The following EYS variants were observed in gnomAD, a reference collection of about 807,000 sequenced individuals.
EYS encodes EGF-like photoreceptor maintenance factor, also known as protein eyes shut homolog.
In EYS, 250 loss-of-function variants were observed where a neutral mutation model predicts 282.1. The observed-to-expected ratio is 0.89, with a 90% CI of 0.80 to 0.98. The LOEUF (loss-of-function observed/expected upper bound fraction) is 0.98, where lower values mean the gene tolerates loss of function less well. Ranked by LOEUF, EYS falls within the 50% of genes least tolerant of loss-of-function variation. The pLI is 0.00. For missense variants in EYS, 4,016 were observed against 3,709.0 expected (o/e 1.08, Z -2.15); for synonymous variants, 1,355 against 1,282.9 (o/e 1.06, Z -1.20).
At position 64,590,391 on chromosome 6, in the gene EYS, A is replaced by C. The variant is rs749350374; in HGVS notation, c.5476T>G (p.Ser1826Ala). Residue 1826 changes from serine (S) to alanine (A), a missense_variant, in exon 26 of 43, where the codon TCT (serine) becomes GCT (alanine). By Grantham distance (99) the Ser-to-Ala change is moderately conservative (BLOSUM62 1). Transcript: ENST00000503581. ...DWPYFTDYMT[S>A]LKKEVKTSSE... ...GAAGTCTTGACCTCTTTTTTAAGAGAGGTCATATAATCTGTAAAATATGGC... is the reference window on the plus strand; with the variant it reads ...GAAGTCTTGACCTCTTTTTTAAGAGCGGTCATATAATCTGTAAAATATGGC... The C allele has an allele frequency of 1.3e-6, 2 of 1,551,186 alleles. No individual in the cohort carries two copies. Among genetic ancestry groups the C allele is most frequent in the Non-Finnish European group, 1.7e-6 (2 of 1,146,758 alleles).
chr6:65,139,087 C>T lies in EYS; in HGVS notation c.2024-81360G>A, dbSNP rs574839885. Among the ~76,000 whole-genome samples the T allele has an allele frequency of 7.2e-5, 11 of 152,070 alleles. No homozygotes were observed. In the East Asian group the frequency reaches 2.1e-3, roughly 30 times the overall value. The stretch of plus-strand genomic sequence containing the variant: ...ACCCAGAAATCCCATCACTGATATA[C>T]CCAAATGAAATATAAATTATTTTAC... On this transcript the variant is annotated intron_variant, in intron 12 of 42. Transcript: ENST00000503581.
At chr6:65,437,669 G>T (rs917633163) in intron 5 of EYS, among the ~76,000 whole-genome samples, 9 of 151,942 alleles carry the variant, frequency 5.9e-5, no homozygotes, top group Admixed American at 3.9e-4. Flanking sequence ...AAGAAACTTG[G>T]CATCCAAAAC....
chr6:65,510,651 G>A (rs190227720), intron 2 of EYS, among the ~76,000 whole-genome samples: 1 of 151,936 alleles, frequency 6.6e-6, no homozygotes, highest in African/African-American at 2.4e-5. Flanking sequence ...CAAATCCTTT[G>A]ATTATGACCT....
At chr6:64,091,416 C>T (rs919376816) in intron 31 of EYS, among the ~76,000 whole-genome samples, 1 of 152,174 alleles carries the variant, frequency 6.6e-6, no homozygotes, top group Non-Finnish European at 1.5e-5. Flanking sequence ...CAGCAAGGGT[C>T]TGGGCTGCTG....
At chr6:63,961,528 C>G (rs888796931) in intron 35 of EYS, among the ~76,000 whole-genome samples, 4 of 152,118 alleles carry the variant, frequency 2.6e-5, no homozygotes, top group African/African-American at 9.7e-5. Flanking sequence ...TTGGCTGACT[C>G]TCTTTTCAGA....
At chr6:65,330,753 C>G (rs1307405476) in intron 11 of EYS, 1 of 960,296 alleles carries the variant, frequency 1.0e-6, no homozygotes, top group Non-Finnish European at 1.2e-6. Context: ...TTCTCCATCC[C>G]GAAATCACAA....
In EYS at chr6:64,884,232, TG is replaced by T. The variant is rs900904762; in HGVS notation, c.2992+2464del. Among the ~76,000 whole-genome samples the T allele has an allele frequency of 4.7e-4, 71 of 151,682 alleles. 1 individual carries two copies. The highest frequency in any genetic ancestry group is 1.6e-3 in the African/African-American group (68 of 41,500). On this transcript the variant is annotated intron_variant, in intron 19 of 42. Transcript: ENST00000503581. ...GCTAAATTTTTCTGAATAATATATTTGGTTACCAAATTTTAACACATTTAAT... is the reference window on the plus strand; with the variant it reads ...GCTAAATTTTTCTGAATAATATATTTGTTACCAAATTTTAACACATTTAAT...
intron 31 of EYS, among the ~76,000 whole-genome samples, chr6:64,131,110 C>G (rs1222813470): frequency 2.3e-5 from 1 of 43,994 alleles, no homozygotes; most frequent in Non-Finnish European, 4.1e-5. Flanking sequence ...TCGTGATCCT[C>G]CCCCCCTTGG....
chr6:63,743,315 A>G (rs999413540), intron 41 of EYS, among the ~76,000 whole-genome samples: 3 of 152,184 alleles, frequency 2.0e-5, no homozygotes, highest in African/African-American at 7.2e-5. Context: ...GATTCAGACA[A>G]CCTCTGACTT....
intron 29 of EYS, among the ~76,000 whole-genome samples, chr6:64,318,887 C>A (rs917359409): frequency 1.3e-5 from 2 of 151,768 alleles, no homozygotes; most frequent in African/African-American, 4.8e-5. Flanking sequence ...GCACCTCAAG[C>A]AATCATTATT....
rs77455099 is a variant in EYS, at chr6:64,122,043, T to A, written c.6425-40041A>T. On this transcript the variant is annotated intron_variant, in intron 31 of 42. Coordinates refer to ENST00000503581, the MANE Select transcript of EYS (RefSeq NM_001142800.2). ...AATGATAATGTGTGATTTACCCTTA[T>A]TTTGGGGGTAGCACCTTTTTTTAGT... 5.5e-4 allele frequency among the ~76,000 whole-genome samples: 84 copies of A among 152,296 alleles called. 2 individuals are homozygous for A. The East Asian group carries it at 0.015, about 27-fold the overall frequency.
chr6:65,653,639 T>C (rs1562311202), intron 1 of EYS, among the ~76,000 whole-genome samples: 1 of 151,952 alleles, frequency 6.6e-6, no homozygotes, highest in Non-Finnish European at 1.5e-5. Context: ...AGCAACACCA[T>C]GTTGAACTGC....
At position 64,828,298 on chromosome 6, in the gene EYS, A is replaced by C. The variant is rs1035626116; in HGVS notation, c.2993-5476T>G. Among the ~76,000 whole-genome samples, 10 of 151,900 alleles carry C rather than the reference A, an allele frequency of 6.6e-5. No homozygotes were observed. The East Asian group carries it at 1.9e-3, about 30-fold the overall frequency. On this transcript the variant is annotated intron_variant, in intron 19 of 42. Transcript: ENST00000503581. The stretch of plus-strand genomic sequence containing the variant: ...AGTTTCTAACTGACTTGCAACTGGA[A>C]TCCCTAAAGTAAAAGGGAGAGATAA...
chr6:64,126,460 C>G (rs1217368029), intron 31 of EYS, among the ~76,000 whole-genome samples: 6 of 152,098 alleles, frequency 3.9e-5, no homozygotes, highest in Non-Finnish European at 8.8e-5. Flanking sequence ...ACTCCAGTAT[C>G]AAATGTTGTG....
intron 31 of EYS, among the ~76,000 whole-genome samples, chr6:64,100,908 A>C (rs1001116288): frequency 5.9e-5 from 9 of 152,064 alleles, no homozygotes; most frequent in African/African-American, 2.2e-4. Context: ...TTGAATCTGA[A>C]GTCCCTTGGA....
chr6:64,149,015 A>C (rs1273428869), intron 31 of EYS, among the ~76,000 whole-genome samples: 1 of 152,224 alleles, frequency 6.6e-6, no homozygotes, highest in Non-Finnish European at 1.5e-5. Flanking sequence ...AGACACTTTC[A>C]TAAGTCATAC....
intron 33 of EYS, among the ~76,000 whole-genome samples, chr6:64,049,608 G>T (rs1770740661): frequency 6.6e-6 from 1 of 152,138 alleles, no homozygotes; most frequent in Non-Finnish European, 1.5e-5. Context: ...GCAGATAGAG[G>T]TGGGTGTGTT....
chr6:65,582,912 T>G (rs1374803151), intron 2 of EYS, among the ~76,000 whole-genome samples: 1 of 152,126 alleles, frequency 6.6e-6, no homozygotes, highest in Admixed American at 6.6e-5. Flanking sequence ...AGTATCTTAC[T>G]TGCAAACTCT....
intron 26 of EYS, among the ~76,000 whole-genome samples, chr6:64,517,711 T>G (rs1200440718): frequency 7.9e-5 from 12 of 151,696 alleles, no homozygotes; most frequent in Non-Finnish European, 5.9e-5. Context: ...TATTGAAACT[T>G]AAAGGGCTCT....
Sources: gnomAD v4.1 joint callset for allele counts (sites outside exome capture counted in the v4.1 genomes callset) on GRCh38, gnomAD v4.1.1 for gene constraint, MANE v1.5 for transcripts, NCBI Gene and HGNC (gene_info 2026-07-23, HGNC 2026-07-21) for gene names.